The following ZNRF1 variants were observed in gnomAD, a reference collection of about 807,000 sequenced individuals.
ZNRF1 encodes the protein E3 ubiquitin-protein ligase ZNRF1.
Under a neutral mutation model 18.4 loss-of-function variants are expected in ZNRF1, and 3 were observed. The observed-to-expected ratio is 0.16, with a 90% CI of 0.07 to 0.42. The LOEUF is 0.42. Among genes scored for constraint, ZNRF1 ranks in the 10% least tolerant of loss-of-function variants. The pLI, the probability that ZNRF1 is intolerant of heterozygous loss-of-function variation, is 0.99. For synonymous variants in ZNRF1, 157 were observed against 144.2 expected (o/e 1.09, Z -0.64); for missense variants, 310 against 329.8 (o/e 0.94, Z 0.47).
At chr16:75,034,499 G>A (rs543935841) in intron 1 of ZNRF1, among the ~76,000 whole-genome samples, 1 of 152,130 alleles carries the variant, frequency 6.6e-6, no homozygotes, top group Non-Finnish European at 1.5e-5. Context: ...AACACATTTT[G>A]TTTGTCCCCA....
intron 1 of ZNRF1, among the ~76,000 whole-genome samples, chr16:75,033,515 C>T (rs998311201): frequency 6.7e-6 from 1 of 149,490 alleles, no homozygotes; most frequent in Non-Finnish European, 1.5e-5. Flanking sequence ...TCTTGGCTCA[C>T]TGCAACCTCT....
In ZNRF1 at chr16:74,999,900, C is replaced by A. The variant is rs1388457146; in HGVS notation, c.229C>A (p.Arg77=). 1.9e-6 allele frequency: 3 copies of A among 1,544,360 alleles called. No individual in the cohort carries two copies. Among genetic ancestry groups the A allele is most frequent in the South Asian group, 2.4e-5 (2 of 84,080 alleles). Residue 77 remains arginine, a synonymous_variant, in exon 1 of 5, where the codon CGG becomes AGG. Coordinates refer to ENST00000335325, the MANE Select transcript of ZNRF1 (RefSeq NM_032268.5). ...CTTTGGCCTCTACACCCCCGCCTCC[C>A]GGGGCACCGGCGACTCCGAGAGGGC... The part of the protein sequence containing the change: ...VPFGLYTPAS[R]GTGDSERAPG...
intron 1 of ZNRF1, among the ~76,000 whole-genome samples, chr16:75,038,947 A>G (rs998323089): frequency 2.6e-5 from 4 of 152,192 alleles, no homozygotes; most frequent in Non-Finnish European, 4.4e-5. Context: ...ATTGTTTTAT[A>G]ATCACTGGTG....
intron 2 of ZNRF1, among the ~76,000 whole-genome samples, chr16:75,103,406 T>A (rs1343682803): frequency 6.6e-6 from 1 of 152,108 alleles, no homozygotes; most frequent in Non-Finnish European, 1.5e-5. Context: ...AAACACTTCA[T>A]CGCCCCAAAA....
intron 1 of ZNRF1, among the ~76,000 whole-genome samples, chr16:75,088,005 G>A (rs939010384): frequency 6.6e-6 from 1 of 152,236 alleles, no homozygotes; most frequent in African/African-American, 2.4e-5. Flanking sequence ...TGCTGATGAA[G>A]GTCTCCGAGG....
chr16:75,071,831 C>G (rs2035874184), intron 1 of ZNRF1, among the ~76,000 whole-genome samples: 1 of 152,190 alleles, frequency 6.6e-6, no homozygotes, highest in Admixed American at 6.5e-5. Context: ...CAATAATCTC[C>G]CTGTCACCCC....
At chr16:75,003,849 G>GA (rs2034884369) in intron 1 of ZNRF1, among the ~76,000 whole-genome samples, 1 of 152,190 alleles carries the variant, frequency 6.6e-6, no homozygotes, top group Admixed American at 6.5e-5. Context: ...GAGTCATAGT[G>GA]AGGGTCTCAT....
chr16:75,043,311 A>T (rs746578075), intron 1 of ZNRF1, among the ~76,000 whole-genome samples: 21 of 152,290 alleles, frequency 1.4e-4, no homozygotes, highest in African/African-American at 5.1e-4. Flanking sequence ...GAAACCAGAC[A>T]TGGTTTTATC....
At chr16:75,081,513 A>C (rs998954162) in intron 1 of ZNRF1, among the ~76,000 whole-genome samples, 1 of 152,168 alleles carries the variant, frequency 6.6e-6, no homozygotes, top group African/African-American at 2.4e-5. Flanking sequence ...TGATTTTATG[A>C]GGAACAGGCA....
chr16:75,055,263 A>T (rs572101611), intron 1 of ZNRF1, among the ~76,000 whole-genome samples: 10 of 152,248 alleles, frequency 6.6e-5, no homozygotes, highest in South Asian at 4.2e-4. Context: ...GGCTTACTAG[A>T]ACTTATTTAT....
intron 2 of ZNRF1, among the ~76,000 whole-genome samples, chr16:75,098,965 G>A: frequency 6.6e-6 from 1 of 152,190 alleles, no homozygotes; most frequent in East Asian, 1.9e-4. Context: ...GGGCAGGTGT[G>A]TGTCTCTCCT....
intron 1 of ZNRF1, among the ~76,000 whole-genome samples, chr16:75,032,999 A>C (rs2035326173): frequency 6.6e-6 from 1 of 152,126 alleles, no homozygotes; most frequent in Non-Finnish European, 1.5e-5. Flanking sequence ...GTGACAGAGC[A>C]AGACTCCACT....
intron 1 of ZNRF1, among the ~76,000 whole-genome samples, chr16:75,028,281 C>T (rs550372631): frequency 2.1e-4 from 32 of 152,284 alleles, no homozygotes; most frequent in African/African-American, 6.7e-4. Flanking sequence ...CTAGTCCATT[C>T]TGGTACTTTT....
At chr16:75,036,528 T>C (rs1463994065) in intron 1 of ZNRF1, among the ~76,000 whole-genome samples, 1 of 152,104 alleles carries the variant, frequency 6.6e-6, no homozygotes, top group African/African-American at 2.4e-5. Flanking sequence ...AAATTAATTA[T>C]CTTGCTTATT....
chr16:75,026,126 C>G (rs1469941525), intron 1 of ZNRF1, among the ~76,000 whole-genome samples: 6 of 152,190 alleles, frequency 3.9e-5, no homozygotes, highest in Admixed American at 1.3e-4. Flanking sequence ...TTTCCTCCCT[C>G]TTCTAGTGAT....
chr16:75,101,531 C>T (rs1054136980), intron 2 of ZNRF1, among the ~76,000 whole-genome samples: 2 of 151,832 alleles, frequency 1.3e-5, no homozygotes, highest in Non-Finnish European at 2.9e-5. Context: ...GGCGATAGAG[C>T]GAGACTCCAT....
At chr16:75,065,530 T>C (rs1023976881) in intron 1 of ZNRF1, among the ~76,000 whole-genome samples, 7 of 152,164 alleles carry the variant, frequency 4.6e-5, no homozygotes, top group African/African-American at 1.7e-4. Flanking sequence ...ATTATAAAAG[T>C]AATTTGAGTT....
intron 1 of ZNRF1, among the ~76,000 whole-genome samples, chr16:75,062,256 C>G (rs1228055044): frequency 6.6e-6 from 1 of 152,198 alleles, no homozygotes; most frequent in East Asian, 1.9e-4. Context: ...CGTTGTCTCC[C>G]TGGGAAGCAG....
intron 1 of ZNRF1, among the ~76,000 whole-genome samples, chr16:75,015,230 A>G (rs1363766900): frequency 6.6e-6 from 1 of 152,002 alleles, no homozygotes; most frequent in Non-Finnish European, 1.5e-5. Flanking sequence ...GGTCATAAAG[A>G]TGTTATGTTT....
Sources: allele counts gnomAD v4.1 joint callset (sites outside exome capture counted in the v4.1 genomes callset), GRCh38; gene constraint gnomAD v4.1.1; transcripts MANE v1.5; gene names NCBI Gene and HGNC (gene_info 2026-07-23, HGNC 2026-07-21).